The following ANKRA2 variants were observed in gnomAD, a reference collection of about 807,000 sequenced individuals.
ANKRA2 encodes ankyrin repeat family A protein 2.
ANKRA2 carries 33 observed loss-of-function variants against 37.8 expected under a neutral mutation model. That is an observed-to-expected ratio of 0.87 (90% confidence interval 0.66 to 1.17). The LOEUF is 1.17. Ranked by LOEUF, ANKRA2 falls within the 50% of genes most tolerant of loss-of-function variation. ANKRA2 has a pLI of 0.00. For missense variants in ANKRA2, 326 were observed against 373.7 expected (o/e 0.87, Z 1.05); for synonymous variants, 126 against 132.3 (o/e 0.95, Z 0.33).
chr5:73,563,557 T>C (rs1345970442), intron 1 of ANKRA2, among the ~76,000 whole-genome samples: 2 of 152,174 alleles, frequency 1.3e-5, no homozygotes, highest in Non-Finnish European at 2.9e-5. Context: ...TTACAAAGCT[T>C]TGGTTTTGAT....
At position 73,562,860 on chromosome 5, in the gene ANKRA2, C is replaced by G; in HGVS notation, c.22G>C (p.Asp8His). Residue 8 changes from aspartate to histidine, a missense_variant, in exon 2 of 9, where the codon GAT (aspartate) becomes CAT (histidine). This residue lies in a region of ANKRA2 where 93 missense variants were observed against 91.1 expected (regional missense o/e 1.02). Coordinates refer to ENST00000296785, the MANE Select transcript of ANKRA2 (RefSeq NM_023039.5). MDTSTNL[D>H]IGAQLIVEEC... ...TCCACGATAAGCTGGGCTCCAATAT[C>G]CAGATTTGTTGATGTATCCATGATT... is the stretch of plus-strand genomic sequence containing the variant. 1 of 1,609,744 alleles carries G rather than the reference C, an allele frequency of 6.2e-7. No homozygotes were observed. Among genetic ancestry groups the G allele is most frequent in the Non-Finnish European group, 8.5e-7 (1 of 1,177,236 alleles).
At chr5:73,562,322 A>T (rs558161802) in intron 2 of ANKRA2, among the ~76,000 whole-genome samples, 97 of 152,288 alleles carry the variant, frequency 6.4e-4, no homozygotes, top group African/African-American at 2.2e-3. Context: ...TGGCCCTATG[A>T]TTTTAAAAGG....
At chr5:73,560,993 T>G in intron 3 of ANKRA2, 137 bp downstream of exon 3, 3 of 894,736 alleles carry the variant, frequency 3.4e-6, no homozygotes, top group Non-Finnish European at 4.9e-6. Flanking sequence ...TTTTTAAGGT[T>G]GAATAGTATT....
At chr5:73,564,287 C>T (rs1747650415) in intron 1 of ANKRA2, among the ~76,000 whole-genome samples, 1 of 152,158 alleles carries the variant, frequency 6.6e-6, no homozygotes, top group African/African-American at 2.4e-5. Flanking sequence ...GAACCATCTC[C>T]CCCTTTCTCC....
At chr5:73,553,143 G>C (rs1290790367) in intron 8 of ANKRA2, among the ~76,000 whole-genome samples, 2 of 152,146 alleles carry the variant, frequency 1.3e-5, no homozygotes, top group Non-Finnish European at 2.9e-5. Flanking sequence ...TAAATAGTTT[G>C]CTATCAAAAT....
rs766685687 is a variant in ANKRA2 at position 73,562,742 on chromosome 5, C to A, written c.140G>T (p.Gly47Val). 6.2e-7 allele frequency: 1 copy of A among 1,614,172 alleles called. No homozygotes were observed. The highest frequency in any genetic ancestry group is 8.5e-7 in the Non-Finnish European group (1 of 1,180,026). The part of the protein sequence containing the change: ...DPNSEEGSAQ[G>V]VAMGMKFILP... ...TATGAATTTCATTCCCATGGCAACA[C>A]CCTGAGCTGACCCTTCTTCTGAATT... The change falls in exon 2 of 9, where the codon GGT becomes GTT. Residue 47 changes from glycine to valine, a missense_variant. Physicochemically the swap from Gly to Val is moderately radical, Grantham distance 109. Coordinates refer to ENST00000296785, the MANE Select transcript of ANKRA2 (RefSeq NM_023039.5).
chr5:73,557,345 A>C (rs896745270), intron 4 of ANKRA2: 1 of 304,962 alleles, frequency 3.3e-6, no homozygotes, highest in African/African-American at 2.2e-5. Flanking sequence ...AAAATGTAAG[A>C]AACTTATAAC....
rs866344539 is a variant in ANKRA2, at chr5:73,553,320, A to G, written c.886+86T>C. The G allele has an allele frequency of 1.0e-5, 10 of 974,446 alleles. No homozygotes were observed. In the Middle Eastern group the frequency reaches 1.3e-3, roughly 127 times the overall value. 60.4% of individuals were successfully genotyped at this position (974,446 alleles called of 1,614,324 possible). ...AGTTGGGATAACATGTTTTAGGATT[A>G]CAGTGATAAAGATGGTTTGGAGTAC... On this transcript the variant is annotated intron_variant, in intron 8 of 8. Coordinates refer to ENST00000296785, the MANE Select transcript of ANKRA2 (RefSeq NM_023039.5).
chr5:73,555,713 T>C (rs2112009526), intron 4 of ANKRA2, 128 bp from the exon 5 acceptor site: 3 of 765,172 alleles, frequency 3.9e-6, no homozygotes, highest in Non-Finnish European at 4.2e-6. Flanking sequence ...TGACTTTATG[T>C]TGGTGTCCTA....
chr5:73,552,760 A>G lies in ANKRA2; in HGVS notation c.*37T>C. On this transcript the variant is annotated 3_prime_UTR_variant, in exon 9 of 9. Coordinates refer to ENST00000296785, the MANE Select transcript of ANKRA2 (RefSeq NM_023039.5). ...AAACTATCATTTATAAGGACCAAGA[A>G]GTAAACAAAAGGGCAGACATTTTCT... The G allele has an allele frequency of 6.4e-7, 1 of 1,551,542 alleles. No individual in the cohort carries two copies. The highest frequency in any genetic ancestry group is 8.9e-7 in the Non-Finnish European group (1 of 1,127,778).
At chr5:73,560,804 C>T (rs1747530782) in intron 3 of ANKRA2, among the ~76,000 whole-genome samples, 1 of 152,192 alleles carries the variant, frequency 6.6e-6, no homozygotes, top group African/African-American at 2.4e-5. Flanking sequence ...AGCATCTACT[C>T]CCCTCTCCCA....
At position 73,565,358 on chromosome 5, in the gene ANKRA2, G is replaced by A. The variant is rs1747703777; in HGVS notation, c.-331C>T. On this transcript the variant is annotated 5_prime_UTR_variant, in exon 1 of 9. Transcript: ENST00000296785. ...GCGACCACCGACGACAGCAGACAGC[G>A]AGTCGGGCCTTCCCATCTGAGGCCA... is the stretch of plus-strand genomic sequence containing the variant. 6.4e-6 allele frequency: 1 copy of A among 156,466 alleles called. No homozygotes were observed. Among genetic ancestry groups the A allele is most frequent in the Non-Finnish European group, 1.4e-5 (1 of 70,028 alleles). The allele number at this position is 156,466 out of a possible 1,614,324, so 9.7% of individuals were successfully genotyped here.
At chr5:73,556,912 G>A (rs1402783456) in intron 4 of ANKRA2, among the ~76,000 whole-genome samples, 2 of 151,050 alleles carry the variant, frequency 1.3e-5, no homozygotes, top group South Asian at 2.1e-4. Flanking sequence ...AGGGCGTGGG[G>A]AAACAGAAAC....
chr5:73,554,995 G>A lies in ANKRA2; in HGVS notation c.613-9C>T. 1.2e-6 allele frequency: 2 copies of A among 1,600,612 alleles called. No homozygotes were observed. The highest frequency in any genetic ancestry group is 1.7e-6 in the Non-Finnish European group (2 of 1,176,308). ...AGTTGGGGATCAGCACCCTGGTATG[G>A]GAAGTAGAGATAAAAGACTTCTCAA... On this transcript the variant is annotated splice_polypyrimidine_tract_variant and intron_variant, in intron 5 of 8. Transcript: ENST00000296785.
In ANKRA2 at chr5:73,552,480, G is replaced by T; in HGVS notation, c.*317C>A. 4.8e-6 allele frequency: 1 copy of T among 209,356 alleles called. No homozygotes were observed. The highest frequency in any genetic ancestry group is 6.0e-5 in the Admixed American group (1 of 16,578). 13.0% of individuals were successfully genotyped at this position (209,356 alleles called of 1,614,324 possible). ...GTGAATGACTTAATACACGAGTGAA[G>T]ATGACTAGGGTAGAATAATTTCTGA... On this transcript the variant is annotated 3_prime_UTR_variant, in exon 9 of 9. Transcript: ENST00000296785.
At chr5:73,563,322 G>C (rs1186796378) in intron 1 of ANKRA2, among the ~76,000 whole-genome samples, 1 of 152,182 alleles carries the variant, frequency 6.6e-6, no homozygotes, top group Non-Finnish European at 1.5e-5. Flanking sequence ...ATACATTTTA[G>C]TTACTGTTTC....
rs1452226859 is a variant in ANKRA2 at position 73,562,591 on chromosome 5, A to G, written c.289+2T>C. 6.3e-7 allele frequency: 1 copy of G among 1,598,902 alleles called. No individual in the cohort carries two copies. Among genetic ancestry groups the G allele is most frequent in the South Asian group, 1.1e-5 (1 of 89,278 alleles). ...GCAGATATTTATACCATAACTTTCA[A>G]CCTTTAAATAGGACAGATGCCACCT... On this transcript the variant is annotated splice_donor_variant, in intron 2 of 8. Coordinates refer to ENST00000296785, the MANE Select transcript of ANKRA2 (RefSeq NM_023039.5). LOFTEE classifies it high-confidence loss of function.
In ANKRA2 at chr5:73,565,630, C is replaced by A. The variant is rs2112159; in HGVS notation, c.-603G>T. Reference sequence around the variant, plus strand: ...AGTTGACGGTTCTGGGTCACCAGAGCAGAGGAAGCCCCAATTTCGCCCTCC... The same window carrying A: ...AGTTGACGGTTCTGGGTCACCAGAGAAGAGGAAGCCCCAATTTCGCCCTCC... On this transcript the variant is annotated 5_prime_UTR_variant, in exon 1 of 9. Coordinates refer to ENST00000296785, the MANE Select transcript of ANKRA2 (RefSeq NM_023039.5). 6 of 400,364 alleles carry A rather than the reference C, an allele frequency of 1.5e-5. No homozygotes were observed. The highest frequency in any genetic ancestry group is 1.1e-4 in the Admixed American group (4 of 35,780). The allele number at this position is 400,364 out of a possible 1,614,324, so 24.8% of individuals were successfully genotyped here.
chr5:73,557,744 C>T, intron 3 of ANKRA2, 104 bp from the exon 4 acceptor site: 1 of 725,504 alleles, frequency 1.4e-6, no homozygotes, highest in Non-Finnish European at 2.2e-6. Flanking sequence ...AAAACAAAAA[C>T]TACAATTTTA....
Sources: allele counts gnomAD v4.1 joint callset (sites outside exome capture counted in the v4.1 genomes callset), GRCh38; gene constraint gnomAD v4.1.1; regional missense constraint gnomAD v4.1.1; transcripts MANE v1.5; gene names NCBI Gene and HGNC (gene_info 2026-07-23, HGNC 2026-07-21).